The following RERE variants were observed in gnomAD, a reference collection of about 807,000 sequenced individuals.
RERE encodes arginine-glutamic acid dipeptide repeats protein.
In RERE, 40 loss-of-function variants were observed where a neutral mutation model predicts 146.1. The observed-to-expected ratio is 0.27, with a 90% CI of 0.21 to 0.36. The LOEUF (loss-of-function observed/expected upper bound fraction) is 0.36. Ranked by LOEUF, RERE falls within the 10% of genes least tolerant of loss-of-function variation. The pLI is 1.00. For synonymous variants in RERE, 1,003 were observed against 866.0 expected, an observed-to-expected ratio of 1.16 and a Z score of -2.78; for missense variants, 1,933 against 2,138.7, an observed-to-expected ratio of 0.90 and a Z score of 1.90.
rs573167242 is a variant in RERE, at chr1:8,398,867, C to T, written c.1284+23860G>A. 7.8e-4 allele frequency among the ~76,000 whole-genome samples: 118 copies of T among 152,242 alleles called. 1 individual carries two copies. The highest frequency in any genetic ancestry group is 2.7e-3 in the African/African-American group (113 of 41,532). Reference sequence around the variant, plus strand: ...AACAACAAACAGGTGCATCAATGTGCGCGGCCACTAGGAGTACATGAGAGT... The same window carrying T: ...AACAACAAACAGGTGCATCAATGTGTGCGGCCACTAGGAGTACATGAGAGT... On this transcript the variant is annotated intron_variant, in intron 12 of 22. Coordinates refer to ENST00000400908, the MANE Select transcript of RERE (RefSeq NM_001042681.2).
chr1:8,536,104 C>CAAA (rs35142876), intron 7 of RERE, among the ~76,000 whole-genome samples: 3 of 105,236 alleles, frequency 2.9e-5, no homozygotes, highest in Non-Finnish European at 4.0e-5. Flanking sequence ...GACTCCATCT[C>CAAA]AAAAAAAAAA....
At chr1:8,384,096 T>C (rs1201763675) in intron 12 of RERE, among the ~76,000 whole-genome samples, 2 of 152,136 alleles carry the variant, frequency 1.3e-5, no homozygotes, top group Non-Finnish European at 2.9e-5. Flanking sequence ...GAGAAGAGCA[T>C]AGGGAACAGG....
At chr1:8,738,435 C>T (rs1248785606) in intron 1 of RERE, among the ~76,000 whole-genome samples, 2 of 152,068 alleles carry the variant, frequency 1.3e-5, no homozygotes, top group East Asian at 1.9e-4. Flanking sequence ...ATCCTCCTGC[C>T]TCAGCCTCCC....
intron 1 of RERE, among the ~76,000 whole-genome samples, chr1:8,687,820 T>C (rs1314893997): frequency 6.6e-6 from 1 of 152,236 alleles, no homozygotes; most frequent in Non-Finnish European, 1.5e-5. Flanking sequence ...TTTTAATGCC[T>C]TAAGCCAATT....
At chr1:8,510,883 T>C (rs1039290581) in intron 7 of RERE, among the ~76,000 whole-genome samples, 2 of 152,222 alleles carry the variant, frequency 1.3e-5, no homozygotes, top group African/African-American at 4.8e-5. Context: ...GGCTACACTG[T>C]TAAGTCCTTG....
chr1:8,441,667 A>G (rs1644250295), intron 11 of RERE, among the ~76,000 whole-genome samples: 1 of 152,244 alleles, frequency 6.6e-6, no homozygotes. Context: ...TATTATGGAA[A>G]GAATTCAAAT....
chr1:8,480,130 T>G (rs11121184), intron 10 of RERE, among the ~76,000 whole-genome samples: 301 of 19,564 alleles, frequency 0.015, no homozygotes, highest in East Asian at 0.036. Context: ...CTTTTTTTGT[T>G]TTTTTTTTTT....
chr1:8,816,832 G>C (rs1641921805), intron 1 of RERE, among the ~76,000 whole-genome samples: 2 of 152,134 alleles, frequency 1.3e-5, no homozygotes, highest in African/African-American at 4.8e-5. Context: ...TACAGTTTCA[G>C]TCCTTGACTT....
Position 8,549,645 on chromosome 1 carries a change from G to GT in RERE, c.725+6829dup, listed in dbSNP as rs1220244249. 3.3e-5 allele frequency among the ~76,000 whole-genome samples: 5 copies of GT among 152,308 alleles called. No homozygotes were observed. In the South Asian group the frequency reaches 8.3e-4, roughly 25 times the overall value. Reference sequence around the variant, plus strand: ...GATAAATGATTTGCAGAGTGTCAAAGTATCTCCCAGGTTAATTAAGCACAG... The same window carrying GT: ...GATAAATGATTTGCAGAGTGTCAAAGTTATCTCCCAGGTTAATTAAGCACAG... On this transcript the variant is annotated intron_variant, in intron 6 of 22. Transcript: ENST00000400908.
intron 1 of RERE, among the ~76,000 whole-genome samples, chr1:8,758,225 A>G (rs1640683901): frequency 6.6e-6 from 1 of 151,904 alleles, no homozygotes; most frequent in Non-Finnish European, 1.5e-5. Context: ...AGCTGGGATT[A>G]CAGGCCTGCG....
At chr1:8,527,654 C>T (rs1042928418) in intron 7 of RERE, among the ~76,000 whole-genome samples, 3 of 152,296 alleles carry the variant, frequency 2.0e-5, no homozygotes, top group African/African-American at 7.2e-5. Flanking sequence ...AATCCAATGG[C>T]CTTCCCCTGT....
chr1:8,449,877 CAA>C (rs1428316985), intron 11 of RERE, among the ~76,000 whole-genome samples: 1 of 152,168 alleles, frequency 6.6e-6, no homozygotes, highest in Admixed American at 6.5e-5. Flanking sequence ...CAGAATTACT[CAA>C]GAGAGAATAG....
At chr1:8,578,499 G>A (rs1158504143) in intron 4 of RERE, among the ~76,000 whole-genome samples, 1 of 152,078 alleles carries the variant, frequency 6.6e-6, no homozygotes, top group Non-Finnish European at 1.5e-5. Flanking sequence ...CCTAAAGGCA[G>A]GCAACACTGA....
intron 1 of RERE, among the ~76,000 whole-genome samples, chr1:8,770,631 CTG>C (rs963171952): frequency 1.3e-5 from 2 of 152,204 alleles, no homozygotes; most frequent in African/African-American, 2.4e-5. Flanking sequence ...CTGTGGCAAA[CTG>C]TAAGCACTCA....
chr1:8,811,073 T>C (rs1300795088), intron 1 of RERE, among the ~76,000 whole-genome samples: 1 of 152,214 alleles, frequency 6.6e-6, no homozygotes, highest in Non-Finnish European at 1.5e-5. Flanking sequence ...AAATCAACAA[T>C]AGCCGCCAGG....
At chr1:8,500,813 T>TGC (rs1645125401) in intron 8 of RERE, among the ~76,000 whole-genome samples, 1 of 150,776 alleles carries the variant, frequency 6.6e-6, no homozygotes, top group South Asian at 2.1e-4. Context: ...GGAGCGCCTC[T>TGC]GCCCCGCCGC....
At chr1:8,735,993 C>T (rs1265187706) in intron 1 of RERE, among the ~76,000 whole-genome samples, 4 of 152,128 alleles carry the variant, frequency 2.6e-5, no homozygotes, top group Non-Finnish European at 5.9e-5. Flanking sequence ...TTGTTTGTAG[C>T]CTTTTGTTGT....
At chr1:8,545,143 C>T (rs916316006) in intron 6 of RERE, among the ~76,000 whole-genome samples, 1 of 152,158 alleles carries the variant, frequency 6.6e-6, no homozygotes, top group Non-Finnish European at 1.5e-5. Flanking sequence ...CCATCACATC[C>T]ACCTTGCTGA....
chr1:8,708,914 T>G lies in RERE; in HGVS notation c.-144-52473A>C, dbSNP rs1191463255. On this transcript the variant is annotated intron_variant, in intron 1 of 22. Transcript: ENST00000400908. ...CAACAAAAACTCTGGAGTTTTTTTT[T>G]TTTTTTTTTTTTTTTTGAGACAGAG... Among the ~76,000 whole-genome samples, 14 of 133,762 alleles carry G rather than the reference T, an allele frequency of 1.0e-4. No individual in the cohort carries two copies. The South Asian group carries it at 1.3e-3, about 12-fold the overall frequency. 87.8% of individuals were successfully genotyped at this position (133,762 alleles called of 152,430 possible).
Sources: gnomAD v4.1 joint callset for allele counts (sites outside exome capture counted in the v4.1 genomes callset) on GRCh38, gnomAD v4.1.1 for gene constraint, MANE v1.5 for transcripts, NCBI Gene and HGNC (gene_info 2026-07-23, HGNC 2026-07-21) for gene names.